The following SHOC2 variants were observed in gnomAD, a reference collection of about 807,000 sequenced individuals.
SHOC2 encodes leucine-rich repeat protein SHOC-2.
Under a neutral mutation model 50.2 loss-of-function variants are expected in SHOC2, and 4 were observed. The ratio of observed to expected loss-of-function variants is 0.08; its 90% CI spans 0.04 to 0.18. The LOEUF (loss-of-function observed/expected upper bound fraction) is 0.18. Among genes scored for constraint, SHOC2 ranks in the 10% least tolerant of loss-of-function variants. The pLI is 1.00. For synonymous variants in SHOC2, 218 were observed against 244.5 expected (o/e 0.89, Z 1.01); for missense variants, 388 against 669.6 (o/e 0.58, Z 4.64).
intron 8 of SHOC2, among the ~76,000 whole-genome samples, chr10:111,010,286 T>C (rs147808244): frequency 5.2e-4 from 79 of 152,340 alleles, no homozygotes; most frequent in African/African-American, 1.9e-3. Flanking sequence ...GTAATATACA[T>C]GACCACCTGG....
At chr10:110,925,593 A>G (rs1296100263) in intron 1 of SHOC2, among the ~76,000 whole-genome samples, 7 of 152,112 alleles carry the variant, frequency 4.6e-5, no homozygotes. Context: ...GTGTAACTGG[A>G]CTACAGGTGT....
intron 2 of SHOC2, among the ~76,000 whole-genome samples, chr10:110,968,677 C>T (rs1847722175): frequency 6.6e-6 from 1 of 151,932 alleles, no homozygotes. Flanking sequence ...GTGACTCACA[C>T]CTCAAATCTC....
chr10:111,006,798 C>G (rs185418599), intron 5 of SHOC2, among the ~76,000 whole-genome samples: 11 of 152,220 alleles, frequency 7.2e-5, no homozygotes, highest in African/African-American at 2.6e-4. Context: ...TTATCCTCTC[C>G]CAATACCAAT....
In SHOC2 at chr10:110,990,385, A is replaced by C. The variant is rs150792384; in HGVS notation, c.841+4620A>C. 1.5e-3 allele frequency among the ~76,000 whole-genome samples: 230 copies of C among 152,220 alleles called. 8 individuals are homozygous for C. The East Asian group carries it at 0.042, about 28-fold the overall frequency. On this transcript the variant is annotated intron_variant, in intron 3 of 8. Coordinates refer to ENST00000369452, the MANE Select transcript of SHOC2 (RefSeq NM_007373.4). ...CGTGGAGAACCTTTATGTCTAGCTC[A>C]GGGATTGTAAATACACCAATCAGCA...
intron 2 of SHOC2, among the ~76,000 whole-genome samples, chr10:110,977,825 G>A (rs2134138132): frequency 6.6e-6 from 1 of 152,296 alleles, no homozygotes; most frequent in Non-Finnish European, 1.5e-5. Flanking sequence ...GTGGCTGGTA[G>A]GAATTCACAC....
chr10:110,942,841 A>G (rs1162030812), intron 1 of SHOC2, among the ~76,000 whole-genome samples: 2 of 152,184 alleles, frequency 1.3e-5, no homozygotes, highest in African/African-American at 4.8e-5. Flanking sequence ...TTCTTGTTAG[A>G]CAGTTTAAAA....
intron 2 of SHOC2, among the ~76,000 whole-genome samples, 165 bp from the exon 3 acceptor site, chr10:110,985,462 GT>G (rs1316911401): frequency 6.6e-6 from 1 of 151,772 alleles, no homozygotes; most frequent in Non-Finnish European, 1.5e-5. Flanking sequence ...ATGCAAGTAT[GT>G]TCACTAAATG....
intron 1 of SHOC2, among the ~76,000 whole-genome samples, chr10:110,963,197 A>G (rs1025504473): frequency 6.6e-6 from 1 of 152,210 alleles, no homozygotes; most frequent in African/African-American, 2.4e-5. Flanking sequence ...TTAAATTTCA[A>G]AATGTTTAGG....
Position 110,964,379 on chromosome 10 carries a change from A to C in SHOC2, c.21A>C (p.Lys7Asn). 1.2e-6 allele frequency: 2 copies of C among 1,613,294 alleles called. No individual in the cohort carries two copies. Among genetic ancestry groups the C allele is most frequent in the Non-Finnish European group, 1.7e-6 (2 of 1,179,798 alleles). MSSSLG[K>N]EKDSKEKDPK... is the part of the protein sequence containing the mutation. Reference sequence around the variant, plus strand: ...TCACCATGAGTAGTAGTTTAGGAAAAGAAAAAGACTCTAAAGAAAAAGATC... The same window carrying C: ...TCACCATGAGTAGTAGTTTAGGAAACGAAAAAGACTCTAAAGAAAAAGATC... The change falls in exon 2 of 9, where the codon AAA becomes AAC. Residue 7 changes from lysine to asparagine, a missense_variant. Around this residue, in one of 5 missense-constraint regions of SHOC2, gnomAD observed 121 missense variants for 145.5 expected, o/e 0.83. Coordinates refer to ENST00000369452, the MANE Select transcript of SHOC2 (RefSeq NM_007373.4). The surrounding 1 kb of genome is among the most constrained non-coding windows in gnomAD (Gnocchi z 4.9).
rs376966948 is a variant in SHOC2 at position 110,964,131 on chromosome 10, T to G, written c.-228T>G. On this transcript the variant is annotated 5_prime_UTR_variant, in exon 2 of 9. The change abolishes the stop of an existing upstream ORF in the 5' untranslated region. Transcript: ENST00000369452. This position sits in a 1 kb window ranked among gnomAD's most constrained non-coding sequence, Gnocchi z 4.9. ...TGTCTATATTATATTTCAGGAACTC[T>G]AATGAATCATTGATTGACCAGCACT... is the stretch of plus-strand genomic sequence containing the variant. 4.6e-5 allele frequency: 27 copies of G among 585,182 alleles called. No homozygotes were observed. The highest frequency in any genetic ancestry group is 4.0e-4 in the East Asian group (14 of 35,218). The allele number at this position is 585,182 out of a possible 1,614,324, so 36.2% of individuals were successfully genotyped here.
intron 1 of SHOC2, among the ~76,000 whole-genome samples, chr10:110,925,718 A>C (rs1265244326): frequency 6.6e-6 from 1 of 152,162 alleles, no homozygotes; most frequent in African/African-American, 2.4e-5. Flanking sequence ...TGGCCTCCCA[A>C]AGTGCTGGAA....
intron 1 of SHOC2, among the ~76,000 whole-genome samples, chr10:110,947,996 A>G (rs951038078): frequency 6.6e-6 from 1 of 152,152 alleles, no homozygotes; most frequent in Non-Finnish European, 1.5e-5. Flanking sequence ...TTTTAGCATT[A>G]AGGACACACA....
chr10:110,979,864 G>C (rs1313087965), intron 2 of SHOC2, among the ~76,000 whole-genome samples: 1 of 124,438 alleles, frequency 8.0e-6, no homozygotes, highest in Non-Finnish European at 1.7e-5. Flanking sequence ...CCCAAGCTCA[G>C]TATCTTCGGA....
chr10:110,986,715 A>G (rs1848085455), intron 3 of SHOC2, among the ~76,000 whole-genome samples: 1 of 152,120 alleles, frequency 6.6e-6, no homozygotes, highest in Non-Finnish European at 1.5e-5. Flanking sequence ...ACCTCAGGTG[A>G]TCTGCCTGCC....
At chr10:110,981,843 C>CTTATTTATTTAT (rs1554859788) in intron 2 of SHOC2, among the ~76,000 whole-genome samples, 1 of 125,858 alleles carries the variant, frequency 7.9e-6, no homozygotes, top group African/African-American at 3.3e-5. Context: ...ATTCAGTTTT[C>CTTATTTATTTAT]TTATTTATTT....
intron 2 of SHOC2, among the ~76,000 whole-genome samples, chr10:110,968,216 T>C (rs1354545590): frequency 6.6e-6 from 1 of 152,192 alleles, no homozygotes; most frequent in Non-Finnish European, 1.5e-5. Context: ...CTGATCACTA[T>C]ATATTTGTTT....
chr10:110,973,344 A>G (rs974675390), intron 2 of SHOC2, among the ~76,000 whole-genome samples: 6 of 152,312 alleles, frequency 3.9e-5, no homozygotes, highest in African/African-American at 1.4e-4. Flanking sequence ...ACCGTGAAAC[A>G]AACCTAAATT....
chr10:110,966,969 C>G (rs1847687334), intron 2 of SHOC2, among the ~76,000 whole-genome samples: 1 of 152,090 alleles, frequency 6.6e-6, no homozygotes, highest in Non-Finnish European at 1.5e-5. Context: ...TAAAGTTTAA[C>G]TTAGATACAT....
chr10:110,992,394 G>A (rs1280054876), intron 3 of SHOC2, among the ~76,000 whole-genome samples: 1 of 152,198 alleles, frequency 6.6e-6, no homozygotes, highest in Non-Finnish European at 1.5e-5. Context: ...GCTATGAACA[G>A]AAGAAAATAT....
Sources: gnomAD v4.1 joint callset for allele counts (sites outside exome capture counted in the v4.1 genomes callset) on GRCh38, gnomAD v4.1.1 for gene constraint, gnomAD v4.1.1 regional missense constraint, Gnocchi (gnomAD v3.1) non-coding constraint, MANE v1.5 for transcripts, NCBI Gene and HGNC (gene_info 2026-07-23, HGNC 2026-07-21) for gene names.